The following CZIB variants were observed in gnomAD, a reference collection of about 807,000 sequenced individuals.
CZIB encodes UPF0587 protein C1orf123.
CZIB carries 26 observed loss-of-function variants against 28.3 expected under a neutral mutation model. That is an observed-to-expected ratio of 0.92 (90% CI 0.67 to 1.27). The LOEUF is 1.27. Ranked by LOEUF, CZIB falls within the 50% of genes most tolerant of loss-of-function variation. The pLI, the probability that CZIB is intolerant of heterozygous loss-of-function variation, is 0.00. For synonymous variants in CZIB, 78 were observed against 71.1 expected, an observed-to-expected ratio of 1.10 and a Z score of -0.49; for missense variants, 179 against 197.3, an observed-to-expected ratio of 0.91 and a Z score of 0.56.
rs544432097 is a variant in CZIB, at chr1:53,216,833, T to C, written c.288A>G (p.Thr96=). The C allele has an allele frequency of 5.0e-6, 8 of 1,614,176 alleles. No homozygotes were observed. The East Asian group carries it at 1.8e-4, about 36-fold the overall frequency. The part of the protein sequence containing the change: ...YNAEDNENFK[T]IVEFECRGLE... ...GGCCCCGGCACTCAAACTCCACTAT[T>C]GTCTTGAAGTTCTCATTGTCTTCAG... Residue 96 remains threonine (T), a synonymous_variant, in exon 6 of 8, where the codon ACA becomes ACG. Coordinates refer to ENST00000294360, the MANE Select transcript of CZIB (RefSeq NM_017887.3).
Position 53,220,258 on chromosome 1 carries a change from C to G in CZIB, c.90+3G>C, listed in dbSNP as rs754615442. The G allele has an allele frequency of 1.9e-6, 3 of 1,612,796 alleles. No homozygotes were observed. Among genetic ancestry groups the G allele is most frequent in the Middle Eastern group, 3.3e-4 (2 of 6,058 alleles). On this transcript the variant is annotated splice_donor_region_variant and intron_variant, in intron 2 of 7. Transcript: ENST00000294360. ...CTCTCCCCGGGCCCCGCCCCGGCCG[C>G]ACCTTCAGGTACCACCGGAAGTCCT...
Position 53,216,643 on chromosome 1 carries a change from G to A in CZIB, c.339+139C>T, listed in dbSNP as rs1373620252. On this transcript the variant is annotated intron_variant, in intron 6 of 7. Coordinates refer to ENST00000294360, the MANE Select transcript of CZIB (RefSeq NM_017887.3). Reference sequence around the variant, plus strand: ...GGCATGGGTGCCCAAGCATACAGCAGCCACTTAAGGGACAATTATTACTAC... The same window carrying A: ...GGCATGGGTGCCCAAGCATACAGCAACCACTTAAGGGACAATTATTACTAC... 5.4e-6 allele frequency: 4 copies of A among 741,590 alleles called. No homozygotes were observed. The East Asian group carries it at 1.0e-4, about 19-fold the overall frequency. 45.9% of individuals were successfully genotyped at this position (741,590 alleles called of 1,614,324 possible). A position where few individuals can be genotyped will look rare whatever the true frequency, so the allele number is the denominator to read the frequency against.
At chr1:53,220,226 G>T (rs370365566) in intron 2 of CZIB, 35 bp downstream of exon 2, 3 of 1,578,548 alleles carry the variant, frequency 1.9e-6, no homozygotes, top group East Asian at 2.2e-5. Flanking sequence ...AGATCAGGAC[G>T]GGCCTCCTCT....
chr1:53,218,596 C>T (rs1457400676), intron 3 of CZIB, 101 bp from the exon 4 acceptor site: 5 of 1,218,672 alleles, frequency 4.1e-6, no homozygotes, highest in Admixed American at 4.0e-5. Context: ...GAGACCAAGA[C>T]CCAGAAAGGG....
In CZIB at chr1:53,220,550, G is replaced by A; in HGVS notation, c.6+20C>T. The A allele has an allele frequency of 4.4e-6, 7 of 1,599,528 alleles. No homozygotes were observed. Among genetic ancestry groups the A allele is most frequent in the East Asian group, 2.2e-5 (1 of 44,848 alleles). ...CGCCACCTCCCCTCCGTGTCCCCGC[G>A]GCGGGCGGCCTCCCCTCACCCCCAT... On this transcript the variant is annotated intron_variant, in intron 1 of 7. Transcript: ENST00000294360.
chr1:53,214,794 C>G, intron 7 of CZIB, 58 bp from the exon 8 acceptor site: 1 of 1,476,650 alleles, frequency 6.8e-7, no homozygotes, highest in Non-Finnish European at 9.4e-7. Flanking sequence ...ATGTGGAGAG[C>G]AGAAAACTGG....
At chr1:53,216,912 C>T in intron 5 of CZIB, 53 bp from the exon 6 acceptor site, 1 of 1,465,960 alleles carries the variant, frequency 6.8e-7, no homozygotes, top group Middle Eastern at 1.7e-4. Context: ...TCAGGATGAC[C>T]CCATGGCCCC....
At chr1:53,220,228 G>C in intron 2 of CZIB, 33 bp downstream of exon 2, 1 of 1,588,094 alleles carries the variant, frequency 6.3e-7, no homozygotes, top group Non-Finnish European at 8.6e-7. Flanking sequence ...ATCAGGACGG[G>C]CCTCCTCTCC....
chr1:53,219,190 A>G, intron 2 of CZIB: 1 of 450,718 alleles, frequency 2.2e-6, no homozygotes, highest in Non-Finnish European at 4.0e-6. Context: ...TGGTGCAGAA[A>G]TGGTTTCAGC....
chr1:53,218,332 G>C, intron 4 of CZIB, 82 bp downstream of exon 4: 1 of 1,583,778 alleles, frequency 6.3e-7, no homozygotes, highest in East Asian at 2.2e-5. Context: ...TCCACCCTCA[G>C]GTAACATGAG....
rs1645456504 is a variant in CZIB at position 53,214,567 on chromosome 1, CAA to C, written c.*90_*91del. 1 of 1,084,720 alleles carries C rather than the reference CAA, an allele frequency of 9.2e-7. No individual in the cohort carries two copies. The highest frequency in any genetic ancestry group is 1.4e-6 in the Non-Finnish European group (1 of 721,814). 67.2% of individuals were successfully genotyped at this position (1,084,720 alleles called of 1,614,324 possible). A position where few individuals can be genotyped will look rare whatever the true frequency, so the allele number is the denominator to read the frequency against. On this transcript the variant is annotated 3_prime_UTR_variant, in exon 8 of 8. Coordinates refer to ENST00000294360, the MANE Select transcript of CZIB (RefSeq NM_017887.3). ...AAGGTTTCGTATAGCCACCAGGAGACAAGGGTCAAAGGAACGAGCCTCTGTGG... is the reference window on the plus strand; with the variant it reads ...AAGGTTTCGTATAGCCACCAGGAGACGGGTCAAAGGAACGAGCCTCTGTGG...
At chr1:53,219,016 A>T in intron 2 of CZIB, 93 bp from the exon 3 acceptor site, 2 of 1,072,760 alleles carry the variant, frequency 1.9e-6, no homozygotes, top group Non-Finnish European at 2.9e-6. Context: ...CAGGCTCATG[A>T]TCTACCTTCT....
chr1:53,215,293 T>C (rs1456165090), intron 7 of CZIB, among the ~76,000 whole-genome samples: 1 of 152,132 alleles, frequency 6.6e-6, no homozygotes, highest in Non-Finnish European at 1.5e-5. Context: ...TGAGCTGACA[T>C]TGCACCACTG....
At position 53,218,223 on chromosome 1, in the gene CZIB, A is replaced by T; in HGVS notation, c.230-20T>A. ...AAATCTCTGAAATAGAAAAGAGAACACAAAGTTGACTTGAGTCCATACCCT... is the reference window on the plus strand; with the variant it reads ...AAATCTCTGAAATAGAAAAGAGAACTCAAAGTTGACTTGAGTCCATACCCT... On this transcript the variant is annotated intron_variant, in intron 4 of 7. Transcript: ENST00000294360. The T allele has an allele frequency of 6.2e-7, 1 of 1,613,952 alleles. No individual in the cohort carries two copies. Among genetic ancestry groups the T allele is most frequent in the Non-Finnish European group, 8.5e-7 (1 of 1,179,838 alleles).
chr1:53,220,365 G>A (rs1333321987), intron 1 of CZIB, 21 bp from the exon 2 acceptor site: 1 of 1,608,914 alleles, frequency 6.2e-7, no homozygotes, highest in African/African-American at 1.3e-5. Flanking sequence ...GGGCCAGAGC[G>A]ACTGCGTCAG....
intron 5 of CZIB, 125 bp downstream of exon 5, chr1:53,218,047 C>A (rs1337762272): frequency 9.8e-7 from 1 of 1,022,416 alleles, no homozygotes; most frequent in African/African-American, 1.6e-5. Flanking sequence ...CAAAGAAGAA[C>A]TAAGTTCATG....
intron 2 of CZIB, chr1:53,219,133 C>T (rs2100289780): frequency 1.7e-6 from 1 of 590,788 alleles, no homozygotes; most frequent in East Asian, 2.9e-5. Context: ...GGCGTGCCCA[C>T]CCTCCTCTAT....
At chr1:53,219,664 G>C (rs1233690114) in intron 2 of CZIB, 4 of 152,602 alleles carry the variant, frequency 2.6e-5, no homozygotes, top group African/African-American at 9.7e-5. Context: ...GTAAGCCCTG[G>C]TATTCAGGCT....
intron 2 of CZIB, 37 bp downstream of exon 2, chr1:53,220,224 A>T (rs1178590382): frequency 6.4e-7 from 1 of 1,571,370 alleles, no homozygotes; most frequent in South Asian, 1.1e-5. Flanking sequence ...TGAGATCAGG[A>T]CGGGCCTCCT....
Sources: gnomAD v4.1 joint callset for allele counts (sites outside exome capture counted in the v4.1 genomes callset) on GRCh38, gnomAD v4.1.1 for gene constraint, MANE v1.5 for transcripts, NCBI Gene and HGNC (gene_info 2026-07-23, HGNC 2026-07-21) for gene names.